The following KCNT2 variants were observed in gnomAD, a reference collection of about 807,000 sequenced individuals.
KCNT2 encodes the protein potassium sodium-activated channel subfamily T member 2.
KCNT2 carries 67 observed loss-of-function variants against 153.8 expected under a neutral mutation model. The observed-to-expected ratio is 0.44, with a 90% CI of 0.36 to 0.53. The LOEUF (loss-of-function observed/expected upper bound fraction) is 0.53. Among genes scored for constraint, KCNT2 ranks in the 20% least tolerant of loss-of-function variants. KCNT2 has a pLI of 0.00. For missense variants in KCNT2, 975 were observed against 1,354.8 expected (o/e 0.72, Z 4.40); for synonymous variants, 500 against 458.8 (o/e 1.09, Z -1.15).
intron 18 of KCNT2, among the ~76,000 whole-genome samples, chr1:196,330,155 C>T (rs1395027905): frequency 6.6e-6 from 1 of 150,462 alleles, no homozygotes; most frequent in Non-Finnish European, 1.5e-5. Context: ...GAAACAAAGG[C>T]AGGAATTTTC....
At chr1:196,343,425 T>C (rs1280256268) in intron 14 of KCNT2, among the ~76,000 whole-genome samples, 1 of 152,126 alleles carries the variant, frequency 6.6e-6, no homozygotes, top group Non-Finnish European at 1.5e-5. Context: ...AAAAAGCACA[T>C]TTTAGAAGCA....
intron 25 of KCNT2, among the ~76,000 whole-genome samples, chr1:196,264,477 T>G (rs943679321): frequency 1.4e-4 from 22 of 152,098 alleles, no homozygotes; most frequent in Non-Finnish European, 2.9e-4. Flanking sequence ...TCATAAATAG[T>G]CTGCCTCCAT....
chr1:196,387,492 T>C (rs1670095656), intron 13 of KCNT2, among the ~76,000 whole-genome samples: 1 of 152,006 alleles, frequency 6.6e-6, no homozygotes, highest in Non-Finnish European at 1.5e-5. Flanking sequence ...TGCATTTTTT[T>C]CCCTTAATAG....
chr1:196,481,097 AGTC>A (rs1255083761), intron 4 of KCNT2, among the ~76,000 whole-genome samples: 1 of 152,164 alleles, frequency 6.6e-6, no homozygotes, highest in Non-Finnish European at 1.5e-5. Context: ...TTGCAACAAA[AGTC>A]AGAGTAAGGA....
At chr1:196,389,504 A>C (rs1670287041) in intron 13 of KCNT2, among the ~76,000 whole-genome samples, 1 of 151,646 alleles carries the variant, frequency 6.6e-6, no homozygotes, top group Non-Finnish European at 1.5e-5. Context: ...ATGTTATCTT[A>C]TACAATGTTT....
chr1:196,429,731 C>T lies in KCNT2; in HGVS notation c.665G>A (p.Arg222Gln), dbSNP rs370788660. The change falls in exon 9 of 28, where the codon CGA becomes CAA. Residue 222 changes from arginine to glutamine, a missense_variant. Around this residue, in one of 6 missense-constraint regions of KCNT2, gnomAD observed 202 missense variants for 314.9 expected, o/e 0.64. Coordinates refer to ENST00000294725, the MANE Select transcript of KCNT2 (RefSeq NM_198503.5). ...TCICGIQHLE[R>Q]IGKKLNLFDS... Reference sequence around the variant, plus strand: ...AAAGAGATTCAGCTTCTTTCCTATTCGTTCCAGATGTTGGATCCCACAAAT... The same window carrying T: ...AAAGAGATTCAGCTTCTTTCCTATTTGTTCCAGATGTTGGATCCCACAAAT... 3 of 1,606,620 alleles carry T rather than the reference C, an allele frequency of 1.9e-6. No homozygotes were observed. Among genetic ancestry groups the T allele is most frequent in the Non-Finnish European group, 1.7e-6 (2 of 1,177,292 alleles).
chr1:196,313,432 G>T (rs958348692), intron 21 of KCNT2, among the ~76,000 whole-genome samples: 4 of 151,436 alleles, frequency 2.6e-5, no homozygotes, highest in African/African-American at 9.7e-5. Context: ...TGATAATCAG[G>T]GTTGGCAAGA....
chr1:196,332,897 G>A (rs1271205414), intron 17 of KCNT2, among the ~76,000 whole-genome samples: 1 of 150,616 alleles, frequency 6.6e-6, no homozygotes, highest in African/African-American at 2.4e-5. Flanking sequence ...TGATTCTCCT[G>A]TCTCAGCCTT....
intron 1 of KCNT2, among the ~76,000 whole-genome samples, chr1:196,607,162 G>T (rs2149044555): frequency 6.6e-6 from 1 of 152,278 alleles, no homozygotes; most frequent in Admixed American, 6.5e-5. Flanking sequence ...GAGTGTATTG[G>T]TCAGTGGTGA....
intron 18 of KCNT2, among the ~76,000 whole-genome samples, chr1:196,328,829 A>G (rs999231589): frequency 1.3e-5 from 2 of 152,080 alleles, no homozygotes; most frequent in Non-Finnish European, 2.9e-5. Flanking sequence ...ATTCTAAGGT[A>G]TAAGAAAGAA....
intron 14 of KCNT2, among the ~76,000 whole-genome samples, chr1:196,356,623 C>T (rs1411277183): frequency 6.6e-6 from 1 of 151,654 alleles, no homozygotes; most frequent in Non-Finnish European, 1.5e-5. Context: ...TAGGTACTAC[C>T]TATTGACCTC....
chr1:196,382,271 AT>A (rs5779833), intron 13 of KCNT2, among the ~76,000 whole-genome samples: 1 of 148,704 alleles, frequency 6.7e-6, no homozygotes, highest in African/African-American at 2.5e-5. Flanking sequence ...GCTATTTTTT[AT>A]TTTTTTTTGT....
chr1:196,570,716 T>G (rs1336401118), intron 1 of KCNT2, among the ~76,000 whole-genome samples: 1 of 152,124 alleles, frequency 6.6e-6, no homozygotes, highest in East Asian at 1.9e-4. Context: ...GGATTCTCAC[T>G]TCTTAGGTGA....
chr1:196,550,688 A>G (rs1419743181), intron 1 of KCNT2, among the ~76,000 whole-genome samples: 1 of 151,784 alleles, frequency 6.6e-6, no homozygotes, highest in African/African-American at 2.4e-5. Context: ...CAGACACCAG[A>G]AAACTGCACA....
At chr1:196,270,478 GA>G (rs1242576153) in intron 25 of KCNT2, among the ~76,000 whole-genome samples, 3 of 152,012 alleles carry the variant, frequency 2.0e-5, no homozygotes, top group Admixed American at 6.6e-5. Flanking sequence ...TATTTGTAAA[GA>G]ATATTGCTAG....
intron 5 of KCNT2, among the ~76,000 whole-genome samples, chr1:196,469,349 A>G (rs1677886359): frequency 6.6e-6 from 1 of 152,196 alleles, no homozygotes; most frequent in Admixed American, 6.5e-5. Context: ...GAAGAAAAGT[A>G]CTAGTAAAAA....
In KCNT2 at chr1:196,309,071, A is replaced by G. The variant is rs868619316; in HGVS notation, c.2484-3726T>C. 5.3e-5 allele frequency among the ~76,000 whole-genome samples: 8 copies of G among 151,918 alleles called. No individual in the cohort carries two copies. The South Asian group carries it at 6.2e-4, about 12-fold the overall frequency. ...GGATATATGTATTTTTCTAGGGGTG[A>G]TACATTTTGGCTAACAAAACACTCC... On this transcript the variant is annotated intron_variant, in intron 21 of 27. Transcript: ENST00000294725.
intron 25 of KCNT2, among the ~76,000 whole-genome samples, chr1:196,274,595 C>T (rs1658379867): frequency 6.6e-6 from 1 of 151,684 alleles, no homozygotes; most frequent in South Asian, 2.1e-4. Flanking sequence ...TTAAAAGCTA[C>T]TTCCCATTGT....
chr1:196,291,912 T>C (rs1336074276), intron 22 of KCNT2, among the ~76,000 whole-genome samples: 1 of 152,188 alleles, frequency 6.6e-6, no homozygotes, highest in Non-Finnish European at 1.5e-5. Context: ...ATTTAGAAAT[T>C]AGTCTAGGGA....
Sources: gnomAD v4.1 joint callset for allele counts (sites outside exome capture counted in the v4.1 genomes callset) on GRCh38, gnomAD v4.1.1 for gene constraint, gnomAD v4.1.1 regional missense constraint, MANE v1.5 for transcripts, NCBI Gene and HGNC (gene_info 2026-07-23, HGNC 2026-07-21) for gene names.